Variants in ZNF280D observed in about 807,000 individuals in gnomAD.
ZNF280D encodes the protein zinc finger protein 280D.
In ZNF280D, 39 loss-of-function variants were observed where a neutral mutation model predicts 94.7. That is an observed-to-expected ratio of 0.41 (90% CI 0.32 to 0.54). The LOEUF (loss-of-function observed/expected upper bound fraction) is 0.54. Among genes scored for constraint, ZNF280D ranks in the 20% least tolerant of loss-of-function variants. ZNF280D has a pLI of 0.22. For missense variants in ZNF280D, 1,090 were observed against 1,149.3 expected, an observed-to-expected ratio of 0.95 and a Z score of 0.75; for synonymous variants, 398 against 377.6, an observed-to-expected ratio of 1.05 and a Z score of -0.63.
At chr15:56,665,785 CT>C (rs1483614209) in intron 16 of ZNF280D, among the ~76,000 whole-genome samples, 19 of 148,364 alleles carry the variant, frequency 1.3e-4, no homozygotes, top group African/African-American at 4.7e-4. Context: ...ATTTAAAATT[CT>C]GTTGGAAAGT....
At chr15:56,653,179 A>C in intron 19 of ZNF280D, 2 of 1,036,578 alleles carry the variant, frequency 1.9e-6, no homozygotes, top group Non-Finnish European at 2.3e-6. Context: ...TTTCCTAACA[A>C]CTAGAGTTTT....
In ZNF280D at chr15:56,636,925, G is replaced by T. The variant is rs574650049; in HGVS notation, c.2260-1675C>A. On this transcript the variant is annotated intron_variant, in intron 20 of 21. Coordinates refer to ENST00000267807, the MANE Select transcript of ZNF280D (RefSeq NM_017661.4). Reference sequence around the variant, plus strand: ...GTGAGCCACCGTGCCCAGCCTAAAAGTTAACTTTCTGAAGTGGAGATAGTC... The same window carrying T: ...GTGAGCCACCGTGCCCAGCCTAAAATTTAACTTTCTGAAGTGGAGATAGTC... Among the ~76,000 whole-genome samples, 3 of 152,164 alleles carry T rather than the reference G, an allele frequency of 2.0e-5. No individual in the cohort carries two copies. In the East Asian group the frequency reaches 5.8e-4, roughly 29 times the overall value.
At chr15:56,654,562 TTGA>T (rs1169948417) in intron 17 of ZNF280D, 59 bp from the exon 18 acceptor site, 3 of 1,467,678 alleles carry the variant, frequency 2.0e-6, no homozygotes, top group Non-Finnish European at 2.8e-6. Context: ...ACTTATAAGT[TTGA>T]TGATTATTTT....
Position 56,665,296 on chromosome 15 carries a change from C to G in ZNF280D, c.1994+1099G>C, listed in dbSNP as rs898379582. ...TAATTTTAAACAAAAACTGAACAAA[C>G]TTACTTTGAAAAAGCAAACTCTCAG... On this transcript the variant is annotated intron_variant, in intron 16 of 21. Coordinates refer to ENST00000267807, the MANE Select transcript of ZNF280D (RefSeq NM_017661.4). Among the ~76,000 whole-genome samples the G allele has an allele frequency of 7.9e-5, 12 of 152,224 alleles. No homozygotes were observed. The South Asian group carries it at 8.3e-4, about 11-fold the overall frequency.
In ZNF280D at chr15:56,711,671, C is replaced by CA. The variant is rs201184615; in HGVS notation, c.-85-4366dup. ...ACAGCAAGACTCAGTCTCAAAAAAA[C>CA]AAAAAAAAGAACTGATCCCAATTCT... On this transcript the variant is annotated intron_variant, in intron 1 of 21. Coordinates refer to ENST00000267807, the MANE Select transcript of ZNF280D (RefSeq NM_017661.4). Among the ~76,000 whole-genome samples, 953 of 151,344 alleles carry CA rather than the reference C, an allele frequency of 6.3e-3. 14 individuals are homozygous for CA. Among genetic ancestry groups the CA allele is most frequent in the African/African-American group, 0.021 (871 of 41,308 alleles).
At chr15:56,713,787 T>A (rs142406899) in intron 1 of ZNF280D, among the ~76,000 whole-genome samples, 1 of 152,316 alleles carries the variant, frequency 6.6e-6, no homozygotes, top group African/African-American at 2.4e-5. Flanking sequence ...GAGCAATTTT[T>A]AAAACTCCTG....
At chr15:56,641,091 C>A (rs1353311902) in intron 20 of ZNF280D, among the ~76,000 whole-genome samples, 1 of 151,400 alleles carries the variant, frequency 6.6e-6, no homozygotes, top group Non-Finnish European at 1.5e-5. Context: ...ATAAGCACTG[C>A]CCTCATAATT....
rs185389752 is a variant in ZNF280D at position 56,687,113 on chromosome 15, A to G, written c.780+1928T>C. On this transcript the variant is annotated intron_variant, in intron 9 of 21. Coordinates refer to ENST00000267807, the MANE Select transcript of ZNF280D (RefSeq NM_017661.4). The stretch of plus-strand genomic sequence containing the variant: ...ATAAACTAGAAAATAAAAAGTCCCC[A>G]CAGATTTAAACTTTCCCTTCCTAGA... Among the ~76,000 whole-genome samples, 140 of 152,196 alleles carry G rather than the reference A, an allele frequency of 9.2e-4. 1 individual carries two copies. Among genetic ancestry groups the G allele is most frequent in the African/African-American group, 3.3e-3 (138 of 41,558 alleles).
intron 17 of ZNF280D, among the ~76,000 whole-genome samples, chr15:56,655,986 A>G (rs986219390): frequency 5.9e-5 from 9 of 152,228 alleles, no homozygotes; most frequent in African/African-American, 2.2e-4. Context: ...TGCCTCTTCT[A>G]CCAGTAGAAA....
chr15:56,709,766 A>C (rs1313820980), intron 1 of ZNF280D, among the ~76,000 whole-genome samples: 1 of 152,152 alleles, frequency 6.6e-6, no homozygotes, highest in African/African-American at 2.4e-5. Flanking sequence ...GGACAAAAAA[A>C]CAAACACTAC....
chr15:56,663,908 A>G (rs2054117838), intron 16 of ZNF280D, among the ~76,000 whole-genome samples: 1 of 152,150 alleles, frequency 6.6e-6, no homozygotes, highest in Admixed American at 6.5e-5. Context: ...ACAAAAAAAG[A>G]AAAAGAAGAA....
At chr15:56,700,108 A>G in intron 6 of ZNF280D, 1 of 732,166 alleles carries the variant, frequency 1.4e-6, no homozygotes, top group Non-Finnish European at 1.7e-6. Context: ...GTCTTGGGGA[A>G]CCCCAGGGGA....
At chr15:56,643,032 T>C (rs779928317) in intron 19 of ZNF280D, 35 bp from the exon 20 acceptor site, 10 of 1,344,252 alleles carry the variant, frequency 7.4e-6, no homozygotes, top group Non-Finnish European at 1.0e-5. Context: ...TATTTTATTT[T>C]ATATGTACGA....
rs193274538 is a variant in ZNF280D at position 56,704,338 on chromosome 15, G to A, written c.29-71C>T. The A allele has an allele frequency of 6.1e-5, 86 of 1,400,948 alleles. No homozygotes were observed. The African/African-American group carries it at 1.1e-3, about 18-fold the overall frequency. 86.8% of individuals were successfully genotyped at this position (1,400,948 alleles called of 1,614,324 possible). On this transcript the variant is annotated intron_variant, in intron 3 of 21. Transcript: ENST00000267807. Reference sequence around the variant, plus strand: ...AATAAAAACATTTTTGTAATACATAGCATTAATTTTAAGGTGTACTTTAAT... The same window carrying A: ...AATAAAAACATTTTTGTAATACATAACATTAATTTTAAGGTGTACTTTAAT...
chr15:56,674,666 G>T (rs1210408696), intron 13 of ZNF280D, among the ~76,000 whole-genome samples: 3 of 152,100 alleles, frequency 2.0e-5, no homozygotes, highest in African/African-American at 7.2e-5. Flanking sequence ...ACATCTAGTG[G>T]TTGAGAGGAT....
chr15:56,676,196 C>A (rs1322723328), intron 13 of ZNF280D, among the ~76,000 whole-genome samples: 2 of 152,048 alleles, frequency 1.3e-5, no homozygotes, highest in Admixed American at 6.6e-5. Context: ...AACTCCAGGT[C>A]AATGACAACA....
chr15:56,659,372 G>A (rs2053765764), intron 16 of ZNF280D, among the ~76,000 whole-genome samples: 1 of 151,870 alleles, frequency 6.6e-6, no homozygotes, highest in East Asian at 1.9e-4. Flanking sequence ...ACAGCTTACA[G>A]TTGTCCCTCC....
At chr15:56,691,710 T>C (rs1401551599) in intron 7 of ZNF280D, among the ~76,000 whole-genome samples, 2 of 152,194 alleles carry the variant, frequency 1.3e-5, no homozygotes, top group Non-Finnish European at 2.9e-5. Context: ...TTACTGAACA[T>C]GTGGCACATA....
chr15:56,635,689 G>C (rs1030672174), intron 20 of ZNF280D: 1 of 152,240 alleles, frequency 6.6e-6, no homozygotes, highest in Non-Finnish European at 1.5e-5. Context: ...ATTTCATATT[G>C]AGTCATGGTA....
Sources: gnomAD v4.1 joint callset for allele counts (sites outside exome capture counted in the v4.1 genomes callset) on GRCh38, gnomAD v4.1.1 for gene constraint, MANE v1.5 for transcripts, NCBI Gene and HGNC (gene_info 2026-07-23, HGNC 2026-07-21) for gene names.